The following MYH14 variants were observed in gnomAD, a reference collection of about 807,000 sequenced individuals.
The protein encoded by MYH14 is myosin-14.
In MYH14, 123 loss-of-function variants were observed where a neutral mutation model predicts 255.5. The observed-to-expected ratio is 0.48, with a 90% CI of 0.42 to 0.56. The LOEUF is 0.56. Among genes scored for constraint, MYH14 ranks in the 20% least tolerant of loss-of-function variants. The pLI is 0.00. For missense variants in MYH14, 2,423 were observed against 2,802.3 expected (o/e 0.86, Z 3.06); for synonymous variants, 1,095 against 1,161.2 (o/e 0.94, Z 1.16).
intron 6 of MYH14, 70 bp from the exon 7 acceptor site, chr19:50,225,515 C>T: frequency 8.0e-7 from 1 of 1,246,804 alleles, no homozygotes; most frequent in Non-Finnish European, 1.1e-6. Context: ...GAGACACAGC[C>T]CGAGCTGGGC....
At position 50,293,180 on chromosome 19, in the gene MYH14, C is replaced by A; in HGVS notation, c.5257-53C>A. Reference sequence around the variant, plus strand: ...GAGGGACAGAGAAAGGGGTGAGACCCGTGCCCAGATTGCTTCTCCTCACAC... The same window carrying A: ...GAGGGACAGAGAAAGGGGTGAGACCAGTGCCCAGATTGCTTCTCCTCACAC... On this transcript the variant is annotated intron_variant, in intron 37 of 42. Coordinates refer to ENST00000642316, the MANE Select transcript of MYH14 (RefSeq NM_001145809.2). The surrounding 1 kb of genome is among the most constrained non-coding windows in gnomAD (Gnocchi z 4.1). The A allele has an allele frequency of 2.3e-6, 3 of 1,309,986 alleles. No homozygotes were observed. Among genetic ancestry groups the A allele is most frequent in the East Asian group, 2.5e-5 (1 of 40,228 alleles). 81.1% of individuals were successfully genotyped at this position (1,309,986 alleles called of 1,614,324 possible).
At chr19:50,308,057 A>G (rs1267639090) in intron 41 of MYH14, among the ~76,000 whole-genome samples, 1 of 152,246 alleles carries the variant, frequency 6.6e-6, no homozygotes, top group Non-Finnish European at 1.5e-5. Flanking sequence ...GACAAGGGCT[A>G]TGAAGAAAAA....
At chr19:50,236,329 G>A (rs930622932) in intron 10 of MYH14, among the ~76,000 whole-genome samples, 54 of 148,766 alleles carry the variant, frequency 3.6e-4, no homozygotes, top group Middle Eastern at 4.0e-3. Context: ...TGAGACTCTG[G>A]GTCAAAAAGA....
At position 50,271,858 on chromosome 19, in the gene MYH14, C is replaced by A; in HGVS notation, c.3181C>A (p.Leu1061Met). The A allele has an allele frequency of 6.2e-7, 1 of 1,613,370 alleles. No homozygotes were observed. The highest frequency in any genetic ancestry group is 8.5e-7 in the Non-Finnish European group (1 of 1,179,832). The change falls in exon 26 of 43, where the codon CTG becomes ATG. Residue 1061 changes from leucine to methionine, a missense_variant. By Grantham distance (15) the Leu-to-Met change is conservative. This residue lies in a region of MYH14 where 1,513 missense variants were observed against 1,674.8 expected (regional missense o/e 0.90). Coordinates refer to ENST00000642316, the MANE Select transcript of MYH14 (RefSeq NM_001145809.2). ...CCACTCCACCCCTCAGGAGCGGAAG[C>A]TGCTGGAAGATCGTCTGGCCGAGTT... is the stretch of plus-strand genomic sequence containing the variant. ...QNSKLSKERK[L>M]LEDRLAEFSS...
At chr19:50,307,974 C>T (rs911523909) in intron 41 of MYH14, among the ~76,000 whole-genome samples, 15 of 152,202 alleles carry the variant, frequency 9.9e-5, no homozygotes, top group African/African-American at 3.6e-4. Context: ...AGTCCCTGCC[C>T]TCATGGAGCT....
At chr19:50,224,058 C>A in intron 5 of MYH14, 96 bp from the exon 6 acceptor site, 1 of 981,276 alleles carries the variant, frequency 1.0e-6, no homozygotes, top group Non-Finnish European at 1.6e-6. Context: ...CCCCACCCCC[C>A]ATGCCACCAC....
intron 22 of MYH14, among the ~76,000 whole-genome samples, chr19:50,265,145 G>A (rs1007155456): frequency 3.9e-5 from 6 of 152,238 alleles, no homozygotes; most frequent in African/African-American, 1.4e-4. Flanking sequence ...CCAGATGGCT[G>A]TTTTTGCAAA....
chr19:50,223,219 C>T (rs1568472534), intron 4 of MYH14, 28 bp from the exon 5 acceptor site: 1 of 1,611,256 alleles, frequency 6.2e-7, no homozygotes, highest in Non-Finnish European at 8.5e-7. Context: ...ATTGCCAACC[C>T]CTTTGCTTCC....
chr19:50,252,960 G>A lies in MYH14; in HGVS notation c.1945+207G>A, dbSNP rs965582782. On this transcript the variant is annotated intron_variant, in intron 16 of 42. Transcript: ENST00000642316. The surrounding 1 kb of genome is among the most constrained non-coding windows in gnomAD (Gnocchi z 4.2). ...GATTGACTATTGATTTGATTGATAAGCCAGCATCCTTCTCAAGGATAAAGC... is the reference window on the plus strand; with the variant it reads ...GATTGACTATTGATTTGATTGATAAACCAGCATCCTTCTCAAGGATAAAGC... 6.6e-5 allele frequency among the ~76,000 whole-genome samples: 10 copies of A among 152,166 alleles called. No individual in the cohort carries two copies. Among genetic ancestry groups the A allele is most frequent in the African/African-American group, 2.2e-4 (9 of 41,446 alleles).
intron 10 of MYH14, among the ~76,000 whole-genome samples, chr19:50,237,843 C>A (rs1043994743): frequency 6.6e-6 from 1 of 152,166 alleles, no homozygotes; most frequent in African/African-American, 2.4e-5. Flanking sequence ...GAGTTAGTCA[C>A]CTTTTCACAG....
At chr19:50,272,863 C>A in intron 27 of MYH14, 132 bp downstream of exon 27, 1 of 859,332 alleles carries the variant, frequency 1.2e-6, no homozygotes, top group Non-Finnish European at 1.8e-6. Context: ...AGGCCACATC[C>A]CCTCCGAGCC....
chr19:50,254,362 A>G (rs2034514074), intron 16 of MYH14, among the ~76,000 whole-genome samples: 1 of 152,216 alleles, frequency 6.6e-6, no homozygotes, highest in Admixed American at 6.5e-5. Context: ...TATGTCTCAT[A>G]TAGTATTTAC....
rs3745503 is a variant in MYH14 at position 50,268,152 on chromosome 19, A to C, written c.2827-9A>C. The C allele has an allele frequency of 0.12, 187,128 of 1,539,722 alleles. 13,451 individuals carry two copies. Among genetic ancestry groups the C allele is most frequent in the East Asian group, 0.26 (10,463 of 40,806 alleles). The stretch of plus-strand genomic sequence containing the variant: ...CCTGCTGACCACTAACCTCCCACAC[A>C]CTCCCCAGCTGGAAGAGGAGCGCGC... On this transcript the variant is annotated splice_polypyrimidine_tract_variant and intron_variant, in intron 23 of 42. Transcript: ENST00000642316.
rs777776052 is a variant in MYH14 at position 50,219,089 on chromosome 19, T to TAC, written c.562+1321_562+1322dup. Reference sequence around the variant, plus strand: ...ATATATGAGTATTCCATGGTGTGTATACACTCACACACACACCATGGGATA... The same window carrying TAC: ...ATATATGAGTATTCCATGGTGTGTATACACACTCACACACACACCATGGGATA... On this transcript the variant is annotated intron_variant, in intron 3 of 42. Transcript: ENST00000642316. 1.8e-4 allele frequency among the ~76,000 whole-genome samples: 26 copies of TAC among 140,916 alleles called. 1 individual carries two copies. The South Asian group carries it at 2.6e-3, about 14-fold the overall frequency. 92.4% of individuals were successfully genotyped at this position (140,916 alleles called of 152,430 possible).
At chr19:50,224,288 C>T (rs1023840809) in intron 6 of MYH14, 111 bp downstream of exon 6, 14 of 1,419,628 alleles carry the variant, frequency 9.9e-6, no homozygotes, top group Admixed American at 3.4e-5. Flanking sequence ...TCCCACCTGC[C>T]AGGGACCCCT....
intron 30 of MYH14, among the ~76,000 whole-genome samples, chr19:50,278,913 G>A (rs997106610): frequency 6.6e-5 from 10 of 151,912 alleles, no homozygotes; most frequent in African/African-American, 1.5e-4. Context: ...ACTTGAACCC[G>A]GGAGGCAGAG....
intron 22 of MYH14, among the ~76,000 whole-genome samples, chr19:50,264,721 T>C (rs534122224): frequency 9.9e-5 from 15 of 152,234 alleles, no homozygotes; most frequent in African/African-American, 2.6e-4. Flanking sequence ...TCTCTTATCA[T>C]AGAGCTCCAG....
At position 50,210,118 on chromosome 19, in the gene MYH14, A is replaced by G. The variant is rs200876462; in HGVS notation, c.-3-245A>G. Reference sequence around the variant, plus strand: ...TCTCAAAAAAAAAAAAAAAAAAAAAAAAAAAAAAAAGAACTGACCCTCTGA... The same window carrying G: ...TCTCAAAAAAAAAAAAAAAAAAAAAGAAAAAAAAAAGAACTGACCCTCTGA... On this transcript the variant is annotated intron_variant, in intron 1 of 42. Coordinates refer to ENST00000642316, the MANE Select transcript of MYH14 (RefSeq NM_001145809.2). 1.9e-4 allele frequency among the ~76,000 whole-genome samples: 28 copies of G among 148,594 alleles called. No homozygotes were observed. In the East Asian group the frequency reaches 5.4e-3, roughly 29 times the overall value.
chr19:50,248,059 CAAAAAA>C (rs10588130), intron 12 of MYH14, among the ~76,000 whole-genome samples: 1 of 106,834 alleles, frequency 9.4e-6, no homozygotes, highest in Admixed American at 9.9e-5. Context: ...GACTCTGTCT[CAAAAAA>C]AAAAAAAAAA....
Sources: allele counts gnomAD v4.1 joint callset (sites outside exome capture counted in the v4.1 genomes callset), GRCh38; gene constraint gnomAD v4.1.1; regional missense constraint gnomAD v4.1.1; non-coding constraint Gnocchi (gnomAD v3.1); transcripts MANE v1.5; gene names NCBI Gene and HGNC (gene_info 2026-07-23, HGNC 2026-07-21).